The following CNGB3 variants were observed in gnomAD, a reference collection of about 807,000 sequenced individuals.
CNGB3 encodes the protein cyclic nucleotide gated channel subunit beta 3.
CNGB3 carries 86 observed loss-of-function variants against 92.8 expected under a neutral mutation model. That is an observed-to-expected ratio of 0.93 (90% CI 0.78 to 1.11). The LOEUF is 1.11. Among genes scored for constraint, CNGB3 ranks in the 50% least tolerant of loss-of-function variants. The probability of loss-of-function intolerance (pLI) is 0.00; values close to 1 mark genes in which losing one functional copy is unlikely to be tolerated. For synonymous variants in CNGB3, 333 were observed against 332.7 expected, an observed-to-expected ratio of 1.00 and a Z score of -0.01; for missense variants, 1,026 against 956.8, an observed-to-expected ratio of 1.07 and a Z score of -0.95.
chr8:86,737,046 T>C (rs1174372458), intron 2 of CNGB3, among the ~76,000 whole-genome samples: 1 of 152,212 alleles, frequency 6.6e-6, no homozygotes. Flanking sequence ...ATGCTGATTT[T>C]CTATTTGGAA....
intron 3 of CNGB3, among the ~76,000 whole-genome samples, chr8:86,712,598 G>A (rs938671140): frequency 1.3e-5 from 2 of 151,834 alleles, no homozygotes; most frequent in African/African-American, 4.8e-5. Context: ...ATTTTTATCT[G>A]CATTTAGATA....
At chr8:86,698,144 T>G (rs1242593802) in intron 3 of CNGB3, among the ~76,000 whole-genome samples, 1 of 152,238 alleles carries the variant, frequency 6.6e-6, no homozygotes, top group African/African-American at 2.4e-5. Context: ...GTGTGACCGA[T>G]AGTTTCCAGA....
chr8:86,632,938 CGAAAGACCACTAT>C (rs1822991456), intron 10 of CNGB3, 45 bp from the exon 11 acceptor site: 3 of 1,520,150 alleles, frequency 2.0e-6, no homozygotes, highest in Non-Finnish European at 2.7e-6. Context: ...TCTATATCAT[CGAAAGACCACTAT>C]TCTTGGGAGA....
chr8:86,741,725 CA>C (rs1418079333), intron 1 of CNGB3, among the ~76,000 whole-genome samples: 2 of 152,028 alleles, frequency 1.3e-5, no homozygotes, highest in Admixed American at 6.6e-5. Flanking sequence ...TTAATATCCA[CA>C]AATTATGGCT....
intron 2 of CNGB3, among the ~76,000 whole-genome samples, chr8:86,738,665 C>T (rs892612154): frequency 7.7e-6 from 1 of 129,784 alleles, no homozygotes; most frequent in African/African-American, 3.2e-5. Flanking sequence ...CAGTGAAACC[C>T]CGTCTCTACT....
intron 13 of CNGB3, among the ~76,000 whole-genome samples, chr8:86,623,769 A>G (rs1432492690): frequency 6.6e-6 from 1 of 152,174 alleles, no homozygotes; most frequent in Non-Finnish European, 1.5e-5. Context: ...TATTTTGCAA[A>G]TGATATCTTT....
chr8:86,627,715 T>C (rs574173678), intron 12 of CNGB3, among the ~76,000 whole-genome samples: 2 of 152,370 alleles, frequency 1.3e-5, no homozygotes, highest in East Asian at 3.9e-4. Context: ...GGTATAGTTG[T>C]AGACACCATT....
chr8:86,692,193 A>T (rs1025147162), intron 3 of CNGB3, among the ~76,000 whole-genome samples: 1 of 152,164 alleles, frequency 6.6e-6, no homozygotes, highest in African/African-American at 2.4e-5. Context: ...AAAAGAATGT[A>T]TAGTCTGCAG....
intron 10 of CNGB3, among the ~76,000 whole-genome samples, chr8:86,640,799 T>G (rs2131592004): frequency 6.6e-6 from 1 of 152,230 alleles, no homozygotes; most frequent in African/African-American, 2.4e-5. Flanking sequence ...TTATTTTGAC[T>G]AATGTTAATT....
chr8:86,683,077 A>G (rs781472144), intron 3 of CNGB3, among the ~76,000 whole-genome samples: 3 of 152,176 alleles, frequency 2.0e-5, no homozygotes, highest in African/African-American at 7.2e-5. Context: ...TACTTCCTTG[A>G]CTGGAAAATA....
intron 2 of CNGB3, among the ~76,000 whole-genome samples, chr8:86,738,692 AGCC>A (rs890869822): frequency 1.3e-5 from 2 of 149,140 alleles, no homozygotes; most frequent in African/African-American, 5.0e-5. Flanking sequence ...ACAAAAAATT[AGCC>A]AGGCTTGGTG....
At chr8:86,658,691 CG>C (rs1823569471) in intron 6 of CNGB3, 1 of 396,358 alleles carries the variant, frequency 2.5e-6, no homozygotes. Context: ...GCTTCTCGCT[CG>C]GCTCTTTCTT....
intron 15 of CNGB3, among the ~76,000 whole-genome samples, chr8:86,601,023 G>A (rs907446096): frequency 6.6e-6 from 1 of 151,964 alleles, no homozygotes; most frequent in Non-Finnish European, 1.5e-5. Flanking sequence ...ATAAATGCAT[G>A]AATGAAATGC....
intron 2 of CNGB3, among the ~76,000 whole-genome samples, chr8:86,727,569 A>G (rs967610987): frequency 2.0e-5 from 3 of 152,170 alleles, no homozygotes; most frequent in Admixed American, 2.0e-4. Context: ...TCTAATTAAT[A>G]TAGTTTAAAT....
Position 86,647,876 on chromosome 8 carries a change from T to C in CNGB3, c.915A>G (p.Ala305=). ...AGCAAATATCAAATGGTATTATTGA[T>C]GCGACATCCAACTGTTGAAAGAACA... ...RTSTKFQLDV[A]SIIPFDICYL... The change falls in exon 8 of 18, where the codon GCA becomes GCG. Residue 305 remains alanine, a synonymous_variant. Transcript: ENST00000320005. 2 of 1,590,938 alleles carry C rather than the reference T, an allele frequency of 1.3e-6. No individual in the cohort carries two copies. The highest frequency in any genetic ancestry group is 1.7e-5 in the Admixed American group (1 of 59,718).
At chr8:86,657,510 C>T in intron 6 of CNGB3, 1 of 509,338 alleles carries the variant, frequency 2.0e-6, no homozygotes, top group Non-Finnish European at 4.0e-6. Flanking sequence ...ATCTGCTGTG[C>T]AGTGGGATTG....
intron 14 of CNGB3, among the ~76,000 whole-genome samples, chr8:86,606,794 C>T (rs554797913): frequency 3.3e-5 from 5 of 152,116 alleles, no homozygotes; most frequent in Non-Finnish European, 7.4e-5. Flanking sequence ...GTGTCTTGAG[C>T]AAACTTATAA....
chr8:86,683,259 G>A (rs1408182928), intron 3 of CNGB3, among the ~76,000 whole-genome samples: 1 of 152,118 alleles, frequency 6.6e-6, no homozygotes, highest in East Asian at 1.9e-4. Flanking sequence ...CCAAATTAAT[G>A]TCTGGTTCTT....
chr8:86,659,361 T>A, intron 6 of CNGB3: 1 of 962,248 alleles, frequency 1.0e-6, no homozygotes, highest in Non-Finnish European at 1.7e-6. Context: ...ATCAGGGGGT[T>A]CACACTGGCT....
Sources: gnomAD v4.1 joint callset for allele counts (sites outside exome capture counted in the v4.1 genomes callset) on GRCh38, gnomAD v4.1.1 for gene constraint, MANE v1.5 for transcripts, NCBI Gene and HGNC (gene_info 2026-07-23, HGNC 2026-07-21) for gene names.